Variants in HIVEP3 observed in about 807,000 individuals in gnomAD.
HIVEP3 encodes transcription factor HIVEP3.
Under a neutral mutation model 152.8 loss-of-function variants are expected in HIVEP3, and 49 were observed. The observed-to-expected ratio is 0.32, with a 90% CI of 0.26 to 0.41. The LOEUF is 0.41. Ranked by LOEUF, HIVEP3 falls within the 10% of genes least tolerant of loss-of-function variation. The probability of loss-of-function intolerance (pLI) is 1.00; values close to 1 mark genes in which losing one functional copy is unlikely to be tolerated. For synonymous variants in HIVEP3, 1,269 were observed against 1,289.0 expected (o/e 0.98, Z 0.33); for missense variants, 2,790 against 3,103.3 (o/e 0.90, Z 2.40).
intron 2 of HIVEP3, among the ~76,000 whole-genome samples, chr1:41,635,810 CAA>C (rs1447697078): frequency 6.6e-6 from 1 of 151,444 alleles, no homozygotes; most frequent in African/African-American, 2.4e-5. Flanking sequence ...TTTGAAAAAT[CAA>C]AGAGAATTTG....
chr1:41,866,493 C>T (rs1643977237), intron 1 of HIVEP3, among the ~76,000 whole-genome samples: 1 of 152,224 alleles, frequency 6.6e-6, no homozygotes. Context: ...AGGCTGCTTG[C>T]CAAGGATTCA....
chr1:41,771,954 C>T (rs776499108), intron 1 of HIVEP3, among the ~76,000 whole-genome samples: 17 of 152,144 alleles, frequency 1.1e-4, no homozygotes, highest in African/African-American at 3.1e-4. Context: ...CGTGAGCCAC[C>T]GCACCCAGTC....
chr1:41,997,244 T>C (rs1469828868), intron 1 of HIVEP3, among the ~76,000 whole-genome samples: 1 of 152,228 alleles, frequency 6.6e-6, no homozygotes, highest in African/African-American at 2.4e-5. Flanking sequence ...GTAGGGGTCA[T>C]AGACCCAACC....
At chr1:41,909,773 G>A (rs562728678) in intron 1 of HIVEP3, among the ~76,000 whole-genome samples, 1 of 152,020 alleles carries the variant, frequency 6.6e-6, no homozygotes, top group Admixed American at 6.5e-5. Context: ...CAACCATGAG[G>A]CAATTAAGTT....
intron 1 of HIVEP3, among the ~76,000 whole-genome samples, chr1:41,813,019 T>C (rs1005615283): frequency 6.6e-6 from 1 of 152,144 alleles, no homozygotes; most frequent in Non-Finnish European, 1.5e-5. Flanking sequence ...ATCCAACCAC[T>C]TCATTTCATT....
chr1:41,773,847 C>T (rs1257274576), intron 1 of HIVEP3, among the ~76,000 whole-genome samples: 1 of 152,160 alleles, frequency 6.6e-6, no homozygotes, highest in African/African-American at 2.4e-5. Context: ...AAATTTTATA[C>T]TAGGTAGAGT....
intron 1 of HIVEP3, among the ~76,000 whole-genome samples, chr1:41,801,100 G>C (rs1026481769): frequency 5.9e-5 from 9 of 152,226 alleles, no homozygotes; most frequent in Non-Finnish European, 7.3e-5. Flanking sequence ...AAGACAGGCA[G>C]TGTAACCGTG....
Position 41,780,679 on chromosome 1 carries a change from A to G in HIVEP3, c.-800-79684T>C, listed in dbSNP as rs117116209. Reference sequence around the variant, plus strand: ...AATGCAGGACCGAACTGGAGGTGCCAGCTGACCCAAGGGAGGCAAAGCTGC... The same window carrying G: ...AATGCAGGACCGAACTGGAGGTGCCGGCTGACCCAAGGGAGGCAAAGCTGC... On this transcript the variant is annotated intron_variant, in intron 1 of 8. Coordinates refer to ENST00000372583, the MANE Select transcript of HIVEP3 (RefSeq NM_024503.5). Among the ~76,000 whole-genome samples, 137 of 152,336 alleles carry G rather than the reference A, an allele frequency of 9.0e-4. 1 individual carries two copies. The East Asian group carries it at 0.023, about 26-fold the overall frequency.
chr1:41,943,788 T>C (rs772867848), intron 1 of HIVEP3, among the ~76,000 whole-genome samples: 1 of 152,258 alleles, frequency 6.6e-6, no homozygotes, highest in Non-Finnish European at 1.5e-5. Flanking sequence ...AAGGAAGCCA[T>C]AGCTTTTTGA....
chr1:41,518,353 G>A, intron 7 of HIVEP3, 49 bp downstream of exon 7: 1 of 1,501,160 alleles, frequency 6.7e-7, no homozygotes, highest in South Asian at 1.1e-5. Flanking sequence ...GAGGAGGATA[G>A]GGAAAGCGGA....
At chr1:41,812,197 G>A (rs1650999798) in intron 1 of HIVEP3, among the ~76,000 whole-genome samples, 1 of 152,088 alleles carries the variant, frequency 6.6e-6, no homozygotes, top group Non-Finnish European at 1.5e-5. Context: ...CTTTAAACAG[G>A]GCCTTCATTA....
intron 5 of HIVEP3, among the ~76,000 whole-genome samples, chr1:41,558,354 T>C (rs1644001646): frequency 1.3e-5 from 2 of 152,202 alleles, no homozygotes; most frequent in South Asian, 4.1e-4. Context: ...ATGGTTAGAC[T>C]AGCGTAAGCT....
intron 1 of HIVEP3, among the ~76,000 whole-genome samples, chr1:41,704,764 A>G (rs987904320): frequency 6.6e-6 from 1 of 152,226 alleles, no homozygotes; most frequent in African/African-American, 2.4e-5. Flanking sequence ...ATCCTTGTAC[A>G]CTAGACCCAT....
At chr1:41,587,131 C>A (rs1644517199) in intron 3 of HIVEP3, among the ~76,000 whole-genome samples, 1 of 152,148 alleles carries the variant, frequency 6.6e-6, no homozygotes, top group Non-Finnish European at 1.5e-5. Flanking sequence ...AAAACTTTTT[C>A]ATGTAGCACT....
At chr1:41,810,893 C>T (rs1650919168) in intron 1 of HIVEP3, among the ~76,000 whole-genome samples, 2 of 152,168 alleles carry the variant, frequency 1.3e-5, no homozygotes, top group South Asian at 4.1e-4. Flanking sequence ...ATGGATTTGC[C>T]TGTAATGGCC....
intron 1 of HIVEP3, among the ~76,000 whole-genome samples, chr1:41,994,526 G>A (rs1026394857): frequency 6.6e-6 from 1 of 152,110 alleles, no homozygotes; most frequent in African/African-American, 2.4e-5. Flanking sequence ...TGCGAGATGT[G>A]ATGGTTTAAA....
chr1:41,746,572 A>G (rs1042096054), intron 1 of HIVEP3, among the ~76,000 whole-genome samples: 5 of 152,144 alleles, frequency 3.3e-5, no homozygotes, highest in African/African-American at 7.2e-5. Context: ...GCAGGTCCCA[A>G]TTGGGCTTCG....
chr1:41,757,364 G>A (rs546161785), intron 1 of HIVEP3, among the ~76,000 whole-genome samples: 11 of 151,968 alleles, frequency 7.2e-5, no homozygotes, highest in Admixed American at 5.2e-4. Context: ...TGATCCACCC[G>A]TCTCGGCCTC....
At chr1:41,759,136 C>G (rs1570474081) in intron 1 of HIVEP3, among the ~76,000 whole-genome samples, 2 of 149,394 alleles carry the variant, frequency 1.3e-5, no homozygotes. Context: ...CACCAGTCTG[C>G]TTTCTATTAG....
Sources: allele counts gnomAD v4.1 joint callset (sites outside exome capture counted in the v4.1 genomes callset), GRCh38; gene constraint gnomAD v4.1.1; transcripts MANE v1.5; gene names NCBI Gene and HGNC (gene_info 2026-07-23, HGNC 2026-07-21).